Variants in NFIX observed in about 807,000 individuals in gnomAD.
NFIX encodes nuclear factor 1 X-type.
In NFIX, 2 loss-of-function variants were observed where a neutral mutation model predicts 53.3. That is an observed-to-expected ratio of 0.04 (90% confidence interval 0.02 to 0.12). NFIX has a LOEUF of 0.12. Among genes scored for constraint, NFIX ranks in the 10% least tolerant of loss-of-function variants. The pLI, the probability that NFIX is intolerant of heterozygous loss-of-function variation, is 1.00. For synonymous variants in NFIX, 244 were observed against 289.0 expected (o/e 0.84, Z 1.58); for missense variants, 310 against 674.5 (o/e 0.46, Z 5.99).
At chr19:13,062,466 G>A (rs565850955) in intron 2 of NFIX, among the ~76,000 whole-genome samples, 2 of 152,334 alleles carry the variant, frequency 1.3e-5, no homozygotes, top group South Asian at 2.1e-4. Context: ...AGATGTGGGG[G>A]ATGTAGCAGC....
intron 1 of NFIX, chr19:13,024,553 C>G (rs777449438): frequency 1.3e-6 from 2 of 1,530,750 alleles, no homozygotes; most frequent in Non-Finnish European, 1.8e-6. Context: ...CCGCACGCCC[C>G]CGCGTGTGCG....
At chr19:13,042,207 T>C (rs1434229809) in intron 2 of NFIX, among the ~76,000 whole-genome samples, 1 of 151,976 alleles carries the variant, frequency 6.6e-6, no homozygotes, top group Non-Finnish European at 1.5e-5. Flanking sequence ...CGCCTGGCCT[T>C]AGCATCTTTT....
rs545180337 is a variant in NFIX at position 13,052,987 on chromosome 19, T to C, written c.560-20060T>C. ...CACTTGAAGCTGCTGGTACTGCCTC[T>C]GGCCATCCAGCCTTAAGACGTCCCT... On this transcript the variant is annotated intron_variant, in intron 2 of 10. Transcript: ENST00000592199. This position sits in a 1 kb window ranked among gnomAD's most constrained non-coding sequence, Gnocchi z 5.2. 2.1e-4 allele frequency among the ~76,000 whole-genome samples: 32 copies of C among 152,334 alleles called. No individual in the cohort carries two copies. Among genetic ancestry groups the C allele is most frequent in the Admixed American group, 7.8e-4 (12 of 15,308 alleles).
At chr19:13,069,005 G>A (rs571418567) in intron 2 of NFIX, among the ~76,000 whole-genome samples, 4 of 152,360 alleles carry the variant, frequency 2.6e-5, no homozygotes, top group Non-Finnish European at 5.9e-5. Flanking sequence ...CGGACACAGC[G>A]GCTGGGCTCA....
Position 13,006,061 on chromosome 19 carries a change from A to C in NFIX, c.27+10197A>C, listed in dbSNP as rs926171895. Among the ~76,000 whole-genome samples, 2 of 152,184 alleles carry C rather than the reference A, an allele frequency of 1.3e-5. No homozygotes were observed. Among genetic ancestry groups the C allele is most frequent in the Non-Finnish European group, 2.9e-5 (2 of 68,020 alleles). The stretch of plus-strand genomic sequence containing the variant: ...GGCCCCGGGGGCTCGGCAGGGAGCA[A>C]AATCTGCAAAGATGCCAGCCCCGGT... On this transcript the variant is annotated intron_variant, in intron 1 of 10. Coordinates refer to ENST00000592199, the MANE Select transcript of NFIX (RefSeq NM_001365902.3). This position sits in a 1 kb window ranked among gnomAD's most constrained non-coding sequence, Gnocchi z 5.6.
At chr19:13,017,530 G>A (rs1321318955) in intron 1 of NFIX, among the ~76,000 whole-genome samples, 3 of 152,100 alleles carry the variant, frequency 2.0e-5, no homozygotes, top group Middle Eastern at 6.3e-3. Flanking sequence ...CTCTCCTGTG[G>A]CGGGGGAAAC....
Position 13,073,194 on chromosome 19 carries a change from C to A in NFIX, c.622+85C>A. 7.7e-7 allele frequency: 1 copy of A among 1,301,732 alleles called. No homozygotes were observed. The highest frequency in any genetic ancestry group is 1.1e-6 in the Non-Finnish European group (1 of 895,762). 80.6% of individuals were successfully genotyped at this position (1,301,732 alleles called of 1,614,324 possible). On this transcript the variant is annotated intron_variant, in intron 3 of 10. Coordinates refer to ENST00000592199, the MANE Select transcript of NFIX (RefSeq NM_001365902.3). This position sits in a 1 kb window ranked among gnomAD's most constrained non-coding sequence, Gnocchi z 4.5. ...CCACCCTGGCTGCCCTGGCCACCCT[C>A]ACTTCTTCCCCTTCATTCAGCTGTC...
chr19:13,000,260 A>T (rs879655427), intron 1 of NFIX, among the ~76,000 whole-genome samples: 1 of 152,144 alleles, frequency 6.6e-6, no homozygotes, highest in Non-Finnish European at 1.5e-5. Context: ...CTTAGGTTCA[A>T]TGTGGTGCCT....
At chr19:13,003,568 C>A (rs1187795481) in intron 1 of NFIX, among the ~76,000 whole-genome samples, 28 of 152,166 alleles carry the variant, frequency 1.8e-4, no homozygotes, top group Admixed American at 1.8e-3. Context: ...CTCAGACACA[C>A]AAAACACCCC....
rs980553448 is a variant in NFIX at position 13,002,161 on chromosome 19, G to T, written c.27+6297G>T. ...CATCCCTCCGAGGCTCTGAGGGCGC[G>T]GATTTGGAAACTGAGGTCCCCCCTT... is the stretch of plus-strand genomic sequence containing the variant. On this transcript the variant is annotated intron_variant, in intron 1 of 10. Coordinates refer to ENST00000592199, the MANE Select transcript of NFIX (RefSeq NM_001365902.3). The surrounding 1 kb of genome is among the most constrained non-coding windows in gnomAD (Gnocchi z 6.1). 6.6e-6 allele frequency among the ~76,000 whole-genome samples: 1 copy of T among 151,952 alleles called. No individual in the cohort carries two copies. The highest frequency in any genetic ancestry group is 2.4e-5 in the African/African-American group (1 of 41,378).
chr19:13,034,461 T>C (rs2014037650), intron 2 of NFIX, among the ~76,000 whole-genome samples: 1 of 152,160 alleles, frequency 6.6e-6, no homozygotes, highest in African/African-American at 2.4e-5. Flanking sequence ...CCAGCTCTGC[T>C]TCTTTTCATA....
rs893127301 is a variant in NFIX, at chr19:13,082,061, G to A, written c.1254+206G>A. ...TGCCAGGGCTTGTCTATCATGGTCC[G>A]GAGAGGTGGGGGCAGCATCTGGGCC... On this transcript the variant is annotated intron_variant, in intron 8 of 10. Transcript: ENST00000592199. The A allele has an allele frequency of 1.1e-4, 67 of 604,584 alleles. 1 individual carries two copies. Among genetic ancestry groups the A allele is most frequent in the Admixed American group, 3.6e-4 (12 of 33,708 alleles). 37.5% of individuals were successfully genotyped at this position (604,584 alleles called of 1,614,324 possible). A position where few individuals can be genotyped will look rare whatever the true frequency, so the allele number is the denominator to read the frequency against.
chr19:13,065,327 C>G (rs2016335184), intron 2 of NFIX, among the ~76,000 whole-genome samples: 1 of 152,210 alleles, frequency 6.6e-6, no homozygotes, highest in African/African-American at 2.4e-5. Flanking sequence ...TTCTTCCTTG[C>G]CTGATCTTTG....
chr19:12,997,168 TTGTC>T (rs762257908), intron 1 of NFIX, among the ~76,000 whole-genome samples: 17 of 152,334 alleles, frequency 1.1e-4, no homozygotes, highest in South Asian at 4.1e-4. Context: ...GGCTCCTACT[TTGTC>T]TGGGTCCTAC....
chr19:13,058,252 GAA>G (rs2015837750), intron 2 of NFIX, among the ~76,000 whole-genome samples: 1 of 152,088 alleles, frequency 6.6e-6, no homozygotes. Context: ...CTGTCCTCAG[GAA>G]AGCCCTCACC....
intron 1 of NFIX, among the ~76,000 whole-genome samples, chr19:13,016,755 C>T (rs2012691372): frequency 2.0e-5 from 3 of 150,486 alleles, no homozygotes; most frequent in Admixed American, 2.0e-4. Context: ...CCTCCCTTTT[C>T]TTTCGCCCTC....
rs1035701062 is a variant in NFIX, at chr19:13,094,695, G to A, written c.*46G>A. On this transcript the variant is annotated 3_prime_UTR_variant, in exon 11 of 11. Coordinates refer to ENST00000592199, the MANE Select transcript of NFIX (RefSeq NM_001365902.3). The surrounding 1 kb of genome is among the most constrained non-coding windows in gnomAD (Gnocchi z 4.3). ...ACAAAATGAGAAGAAGAGGTTCCTC[G>A]AAAGGGGGGAGAAGAAATTTTGAGA... is the stretch of plus-strand genomic sequence containing the variant. 6 of 1,526,446 alleles carry A rather than the reference G, an allele frequency of 3.9e-6. No homozygotes were observed. The East Asian group carries it at 9.8e-5, about 25-fold the overall frequency. The allele number at this position is 1,526,446 out of a possible 1,614,324, so 94.6% of individuals were successfully genotyped here.
intron 1 of NFIX, among the ~76,000 whole-genome samples, chr19:13,004,694 GA>G (rs2011917942): frequency 6.6e-6 from 1 of 152,008 alleles, no homozygotes; most frequent in Non-Finnish European, 1.5e-5. Context: ...ACAAAGCCTG[GA>G]AAAACCACAT....
At chr19:13,053,600 T>C (rs1216749360) in intron 2 of NFIX, among the ~76,000 whole-genome samples, 2 of 151,966 alleles carry the variant, frequency 1.3e-5, no homozygotes, top group Non-Finnish European at 2.9e-5. Flanking sequence ...CCATCCTCCA[T>C]CCTCATTCCC....
Sources: gnomAD v4.1 joint callset for allele counts (sites outside exome capture counted in the v4.1 genomes callset) on GRCh38, gnomAD v4.1.1 for gene constraint, Gnocchi (gnomAD v3.1) non-coding constraint, MANE v1.5 for transcripts, NCBI Gene and HGNC (gene_info 2026-07-23, HGNC 2026-07-21) for gene names.